Variants in SCRG1 observed in about 807,000 individuals in gnomAD.
SCRG1 encodes stimulator of chondrogenesis 1, also known as scrapie-responsive protein 1.
In SCRG1, 3 loss-of-function variants were observed where a neutral mutation model predicts 7.7. That is an observed-to-expected ratio of 0.39 (90% CI 0.18 to 1.01). The LOEUF (loss-of-function observed/expected upper bound fraction) is 1.01, where lower values mean the gene tolerates loss of function less well. Among genes scored for constraint, SCRG1 ranks in the 50% least tolerant of loss-of-function variants. SCRG1 has a pLI of 0.36. For synonymous variants in SCRG1, 46 were observed against 41.2 expected, an observed-to-expected ratio of 1.12 and a Z score of -0.44; for missense variants, 110 against 117.2, an observed-to-expected ratio of 0.94 and a Z score of 0.28.
At chr4:173,412,333 A>G in the SCRG1 span, among the ~76,000 whole-genome samples, 1 of 152,230 alleles carries the variant, frequency 6.6e-6, no homozygotes, top group Non-Finnish European at 1.5e-5. Flanking sequence ...TCTCAAGGCC[A>G]TCTCTCACAT....
chr4:173,391,827 AC>A (rs1345396249), intron 1 of SCRG1, among the ~76,000 whole-genome samples: 2 of 152,266 alleles, frequency 1.3e-5, no homozygotes, highest in East Asian at 3.9e-4. Context: ...ACTCAGGACC[AC>A]TTGAGCCCAG....
chr4:173,466,306 G>T, the SCRG1 span, among the ~76,000 whole-genome samples: 5 of 152,152 alleles, frequency 3.3e-5, no homozygotes, highest in East Asian at 9.6e-4. Flanking sequence ...GAATAGTGTC[G>T]GCTGGAATAT....
the SCRG1 span, among the ~76,000 whole-genome samples, chr4:173,501,531 C>T: frequency 6.6e-6 from 1 of 152,180 alleles, no homozygotes; most frequent in African/African-American, 2.4e-5. The surrounding 1 kb of genome is among the most constrained non-coding windows in gnomAD (Gnocchi z 5.1). Context: ...ACACGAAGAA[C>T]GGCCTTTCTG....
intron 1 of SCRG1, among the ~76,000 whole-genome samples, chr4:173,394,245 TTTCTTC>T (rs370469961): frequency 6.6e-6 from 1 of 152,236 alleles, no homozygotes; most frequent in Admixed American, 6.5e-5. Context: ...TGTTTTTCTT[TTTCTTC>T]TTCTTCTTCT....
At chr4:173,422,608 G>C in the SCRG1 span, among the ~76,000 whole-genome samples, 2 of 152,090 alleles carry the variant, frequency 1.3e-5, no homozygotes, top group African/African-American at 4.8e-5. Flanking sequence ...CAAAAGGAAG[G>C]ATAATGAAGA....
the SCRG1 span, chr4:173,469,124 G>A: frequency 6.6e-6 from 1 of 152,062 alleles, no homozygotes; most frequent in African/African-American, 2.4e-5. Context: ...CACAAGACAG[G>A]GTTCAGAATT....
At chr4:173,416,738 G>A in the SCRG1 span, among the ~76,000 whole-genome samples, 7 of 152,268 alleles carry the variant, frequency 4.6e-5, no homozygotes, top group Non-Finnish European at 2.9e-5. Context: ...TTCGTGTGAC[G>A]GCCTCTAGGA....
the SCRG1 span, among the ~76,000 whole-genome samples, chr4:173,415,834 C>T: frequency 6.6e-6 from 1 of 152,212 alleles, no homozygotes; most frequent in Non-Finnish European, 1.5e-5. Context: ...CCTCCAAATC[C>T]ATTGCTCCTT....
the SCRG1 span, among the ~76,000 whole-genome samples, chr4:173,504,681 TAG>T: frequency 6.6e-6 from 1 of 152,210 alleles, no homozygotes; most frequent in Non-Finnish European, 1.5e-5. This position sits in a 1 kb window ranked among gnomAD's most constrained non-coding sequence, Gnocchi z 4.7. Context: ...TCTTGATTTT[TAG>T]AGTAGTTGCC....
At chr4:173,510,444 AT>A in the SCRG1 span, among the ~76,000 whole-genome samples, 166 of 145,820 alleles carry the variant, frequency 1.1e-3, no homozygotes, top group African/African-American at 4.0e-3. This position sits in a 1 kb window ranked among gnomAD's most constrained non-coding sequence, Gnocchi z 5.7. Context: ...ATATATATAT[AT>A]AAATTAACGC....
the SCRG1 span, among the ~76,000 whole-genome samples, chr4:173,509,513 G>A: frequency 1.3e-5 from 2 of 152,208 alleles, no homozygotes; most frequent in East Asian, 3.9e-4. The surrounding 1 kb of genome is among the most constrained non-coding windows in gnomAD (Gnocchi z 5.7). Context: ...GGCGGTAGCG[G>A]GACCTGCGCT....
chr4:173,445,105 T>TAA, the SCRG1 span, among the ~76,000 whole-genome samples: 65,304 of 151,486 alleles, frequency 0.43, 16,441 homozygotes, highest in Non-Finnish European at 0.57. Context: ...ACAGAAATGA[T>TAA]AAAAAAAGCC....
chr4:173,517,443 G>A, the SCRG1 span, among the ~76,000 whole-genome samples: 307 of 152,136 alleles, frequency 2.0e-3, 3 homozygotes, highest in South Asian at 0.02. Context: ...GTTTTTTACC[G>A]ATAACCAAAG....
the SCRG1 span, among the ~76,000 whole-genome samples, chr4:173,455,810 T>C: frequency 6.6e-6 from 1 of 152,154 alleles, no homozygotes; most frequent in South Asian, 2.1e-4. Context: ...GAGAGATGCA[T>C]TCAGAATAGG....
chr4:173,478,322 C>T, the SCRG1 span, among the ~76,000 whole-genome samples: 1 of 151,916 alleles, frequency 6.6e-6, no homozygotes, highest in South Asian at 2.1e-4. Context: ...AAGGCAAATC[C>T]TTGTAATCCT....
the SCRG1 span, among the ~76,000 whole-genome samples, chr4:173,478,352 A>G: frequency 6.6e-6 from 1 of 152,108 alleles, no homozygotes; most frequent in Non-Finnish European, 1.5e-5. Context: ...GTCCTTAGGC[A>G]ACTAACCTCT....
intron 2 of SCRG1, among the ~76,000 whole-genome samples, chr4:173,390,710 A>G (rs1739410275): frequency 6.6e-6 from 1 of 151,984 alleles, no homozygotes; most frequent in African/African-American, 2.4e-5. Flanking sequence ...GTTGATCTCG[A>G]ACTCCTGACC....
At chr4:173,483,687 AT>A in the SCRG1 span, among the ~76,000 whole-genome samples, 1,497 of 3,548 alleles carry the variant, frequency 0.42, 272 homozygotes, top group Non-Finnish European at 0.58. Context: ...GATATATTAT[AT>A]TGTGATATAT....
the SCRG1 span, among the ~76,000 whole-genome samples, chr4:173,463,362 C>G: frequency 5.9e-5 from 9 of 152,180 alleles, no homozygotes; most frequent in East Asian, 1.9e-4. Flanking sequence ...CAACCTCTGC[C>G]CCCCCGGGTT....
Sources: allele counts gnomAD v4.1 joint callset (sites outside exome capture counted in the v4.1 genomes callset), GRCh38; gene constraint gnomAD v4.1.1; non-coding constraint Gnocchi (gnomAD v3.1); transcripts MANE v1.5; gene names NCBI Gene and HGNC (gene_info 2026-07-23, HGNC 2026-07-21).